The following CSGALNACT1 variants were observed in gnomAD, a reference collection of about 807,000 sequenced individuals.
The protein encoded by CSGALNACT1 is chondroitin sulfate N-acetylgalactosaminyltransferase 1, also known as beta4GalNAcT-1.
CSGALNACT1 carries 52 observed loss-of-function variants against 51.0 expected under a neutral mutation model. The observed-to-expected ratio is 1.02, with a 90% CI of 0.82 to 1.29. The LOEUF is 1.29. CSGALNACT1 is among the 50% of genes most tolerant of loss of function. The probability of loss-of-function intolerance (pLI) is 0.00; values close to 1 mark genes in which losing one functional copy is unlikely to be tolerated. For missense variants in CSGALNACT1, 935 were observed against 679.2 expected (o/e 1.38, Z -4.19); for synonymous variants, 341 against 254.4 (o/e 1.34, Z -3.24).
At chr8:19,663,820 T>C (rs879131194) in intron 1 of CSGALNACT1, among the ~76,000 whole-genome samples, 1 of 152,254 alleles carries the variant, frequency 6.6e-6, no homozygotes, top group African/African-American at 2.4e-5. Flanking sequence ...AGATAGATAA[T>C]GCAGCCCTTC....
intron 6 of CSGALNACT1, among the ~76,000 whole-genome samples, chr8:19,435,643 A>T (rs2060263619): frequency 6.6e-6 from 1 of 152,280 alleles, no homozygotes; most frequent in Middle Eastern, 3.4e-3. Flanking sequence ...CCACTGATTC[A>T]GGATTTCTGG....
At chr8:19,535,731 A>C (rs1308780681) in intron 3 of CSGALNACT1, among the ~76,000 whole-genome samples, 1 of 152,204 alleles carries the variant, frequency 6.6e-6, no homozygotes, top group Non-Finnish European at 1.5e-5. Flanking sequence ...GAAAAAAATC[A>C]CATGATCTTA....
chr8:19,515,711 G>T (rs1187714537), intron 3 of CSGALNACT1, among the ~76,000 whole-genome samples: 2 of 151,582 alleles, frequency 1.3e-5, no homozygotes, highest in African/African-American at 4.9e-5. Flanking sequence ...ACAGACTCAA[G>T]TCCTATTTTT....
At chr8:19,562,842 A>G (rs2041079042) in intron 3 of CSGALNACT1, among the ~76,000 whole-genome samples, 1 of 152,242 alleles carries the variant, frequency 6.6e-6, no homozygotes, top group African/African-American at 2.4e-5. Flanking sequence ...AATGTAAATT[A>G]GTTCAACCAT....
At chr8:19,594,396 G>C (rs769199441) in intron 2 of CSGALNACT1, among the ~76,000 whole-genome samples, 2 of 152,124 alleles carry the variant, frequency 1.3e-5, no homozygotes, top group Non-Finnish European at 2.9e-5. Flanking sequence ...AAAAATATGA[G>C]TTAAAGTACG....
intron 1 of CSGALNACT1, among the ~76,000 whole-genome samples, chr8:19,643,635 CT>C (rs1380676286): frequency 2.3e-5 from 3 of 131,784 alleles, no homozygotes; most frequent in Non-Finnish European, 4.9e-5. Context: ...GAGACACCAT[CT>C]TAAAAAAAAA....
chr8:19,685,983 C>A (rs1198754336), upstream of CSGALNACT1, among the ~76,000 whole-genome samples: 2 of 152,204 alleles, frequency 1.3e-5, no homozygotes, highest in African/African-American at 2.4e-5. Flanking sequence ...TCGAAACAAT[C>A]GCGTAAGTAC....
chr8:19,645,001 GT>G (rs371466385), intron 1 of CSGALNACT1, among the ~76,000 whole-genome samples: 8 of 152,044 alleles, frequency 5.3e-5, no homozygotes, highest in African/African-American at 1.9e-4. Flanking sequence ...TAAAAATCCA[GT>G]TTTGATAAAA....
chr8:19,505,606 G>T lies in CSGALNACT1; in HGVS notation c.229C>A (p.Arg77=), dbSNP rs147694380. 6.6e-5 allele frequency: 106 copies of T among 1,614,050 alleles called. No homozygotes were observed. The African/African-American group carries it at 1.3e-3, about 19-fold the overall frequency. The change falls in exon 4 of 10, where the codon CGG becomes AGG. Residue 77 remains arginine (R), a synonymous_variant. Coordinates refer to ENST00000454498, the Ensembl canonical transcript of CSGALNACT1. ...TCCTCCTTGAGCTGTGCGATCTGCC[G>T]CTTCAGGCTGCTCACGTAGTTGCGG...
chr8:19,669,208 T>G (rs1415895414), intron 1 of CSGALNACT1, among the ~76,000 whole-genome samples: 4 of 152,216 alleles, frequency 2.6e-5, no homozygotes, highest in African/African-American at 9.7e-5. Flanking sequence ...TTGAGTAGAT[T>G]TGCAAATGCA....
chr8:19,650,151 C>G (rs2057668917), intron 1 of CSGALNACT1, among the ~76,000 whole-genome samples: 1 of 152,102 alleles, frequency 6.6e-6, no homozygotes, highest in African/African-American at 2.4e-5. Flanking sequence ...AAGGATACTC[C>G]TGTTGGAGAG....
At position 19,633,173 on chromosome 8, in the gene CSGALNACT1, G is replaced by A. The variant is rs188929524; in HGVS notation, c.-543-31308C>T. 3.8e-4 allele frequency among the ~76,000 whole-genome samples: 58 copies of A among 152,228 alleles called. 1 individual carries two copies. The South Asian group carries it at 0.012, about 30-fold the overall frequency. On this transcript the variant is annotated intron_variant, in intron 1 of 9. Coordinates refer to the CSGALNACT1 transcript ENST00000332246. Reference sequence around the variant, plus strand: ...GGGACCTCTGGCACAGGAGGTACTTGATTATCCCTGCCGAATTAAGAGGGC... The same window carrying A: ...GGGACCTCTGGCACAGGAGGTACTTAATTATCCCTGCCGAATTAAGAGGGC...
intron 6 of CSGALNACT1, among the ~76,000 whole-genome samples, chr8:19,430,775 T>C (rs2059535149): frequency 6.6e-6 from 1 of 152,146 alleles, no homozygotes; most frequent in Non-Finnish European, 1.5e-5. Flanking sequence ...AAACTATAGA[T>C]CGACTGACTG....
At chr8:19,641,488 C>A (rs1025594274) in intron 1 of CSGALNACT1, among the ~76,000 whole-genome samples, 1 of 152,120 alleles carries the variant, frequency 6.6e-6, no homozygotes, top group Non-Finnish European at 1.5e-5. Context: ...TGCAACCATA[C>A]CAGTCCTACT....
intron 1 of CSGALNACT1, among the ~76,000 whole-genome samples, chr8:19,638,884 C>T (rs987625571): frequency 6.6e-6 from 1 of 152,288 alleles, no homozygotes; most frequent in African/African-American, 2.4e-5. Context: ...CCGAGACTTA[C>T]TTTGCACATC....
intron 4 of CSGALNACT1, among the ~76,000 whole-genome samples, chr8:19,485,461 G>A (rs1563669484): frequency 6.6e-6 from 1 of 152,026 alleles, no homozygotes; most frequent in Non-Finnish European, 1.5e-5. Context: ...GAGAAACCCT[G>A]GAAGCTGAAT....
chr8:19,482,166 C>T (rs184679779), intron 4 of CSGALNACT1, among the ~76,000 whole-genome samples: 7 of 152,272 alleles, frequency 4.6e-5, no homozygotes, highest in East Asian at 3.9e-4. Context: ...CCTAGATCAG[C>T]GCTGGGAAAC....
At chr8:19,739,284 T>G (rs993309068) in intron 1 of CSGALNACT1, among the ~76,000 whole-genome samples, 1 of 151,994 alleles carries the variant, frequency 6.6e-6, no homozygotes, top group Non-Finnish European at 1.5e-5. Context: ...TTCAAGTCAA[T>G]GTATGACATT....
At chr8:19,464,635 A>C (rs1235923349) in intron 4 of CSGALNACT1, among the ~76,000 whole-genome samples, 1 of 152,056 alleles carries the variant, frequency 6.6e-6, no homozygotes, top group Non-Finnish European at 1.5e-5. Context: ...TGACTGCCTG[A>C]GCTCTGCCTG....
Sources: gnomAD v4.1 joint callset for allele counts (sites outside exome capture counted in the v4.1 genomes callset) on GRCh38, gnomAD v4.1.1 for gene constraint, MANE v1.5 for transcripts, NCBI Gene and HGNC (gene_info 2026-07-23, HGNC 2026-07-21) for gene names.